KLHL4: variants seen among roughly 807,000 people sequenced by gnomAD.
KLHL4 encodes the protein kelch-like protein 4.
A neutral mutation model predicts 45.8 loss-of-function variants in KLHL4; 17 were observed. The observed-to-expected ratio is 0.37, with a 90% CI of 0.25 to 0.56. The LOEUF is 0.56. Among genes scored for constraint, KLHL4 ranks in the 20% least tolerant of loss-of-function variants. KLHL4 has a pLI of 0.79. For synonymous variants in KLHL4, 224 were observed against 189.9 expected, an observed-to-expected ratio of 1.18 and a Z score of -1.47; for missense variants, 544 against 544.9, an observed-to-expected ratio of 1.00 and a Z score of 0.02.
At chrX:87,635,513 A>G (rs907161830) in intron 8 of KLHL4, 50 bp from the exon 9 acceptor site, 7 of 948,766 alleles carry the variant, frequency 7.4e-6, no homozygotes, top group Non-Finnish European at 1.0e-5. Context: ...TTTTGTGTGT[A>G]TATGTATACA....
intron 1 of KLHL4, among the ~76,000 whole-genome samples, chrX:87,522,294 A>G (rs1209903882): frequency 8.9e-6 from 1 of 111,802 alleles, no homozygotes; most frequent in African/African-American, 3.2e-5. Context: ...CTCAACAGAG[A>G]GAGTGGTAGG....
At chrX:87,536,353 A>AT (rs1251390929) in intron 1 of KLHL4, among the ~76,000 whole-genome samples, 2 of 111,051 alleles carry the variant, frequency 1.8e-5, no homozygotes, top group Non-Finnish European at 3.8e-5. Flanking sequence ...TTACCTTGCA[A>AT]TTTTTCTCTT....
chrX:87,596,675 A>G (rs962071118), intron 1 of KLHL4, among the ~76,000 whole-genome samples: 24 of 111,989 alleles, frequency 2.1e-4, no homozygotes, highest in African/African-American at 6.5e-4. Context: ...TTCCTTTCTA[A>G]CTGAGCTAAA....
At chrX:87,647,252 A>T (rs951397277) in intron 9 of KLHL4, among the ~76,000 whole-genome samples, 1 of 112,112 alleles carries the variant, frequency 8.9e-6, no homozygotes, top group African/African-American at 3.2e-5. Flanking sequence ...GTTGGCATGG[A>T]TGTGGTAAAA....
chrX:87,641,371 G>A (rs892937989), intron 9 of KLHL4, among the ~76,000 whole-genome samples: 1 of 112,175 alleles, frequency 8.9e-6, no homozygotes, highest in Admixed American at 9.4e-5. Flanking sequence ...GGTAGAGGAA[G>A]CAGCAGAAAG....
At chrX:87,617,214 T>G (rs1271744433) in intron 3 of KLHL4, among the ~76,000 whole-genome samples, 2 of 110,525 alleles carry the variant, frequency 1.8e-5, no homozygotes, top group Non-Finnish European at 3.8e-5. Flanking sequence ...AGAGACTGTT[T>G]TTTTTTTTAT....
chrX:87,524,546 A>AG (rs1432070301), intron 1 of KLHL4, among the ~76,000 whole-genome samples: 4 of 111,319 alleles, frequency 3.6e-5, no homozygotes, highest in African/African-American at 6.5e-5. Flanking sequence ...AAATTTACAT[A>AG]GGGGGACATT....
intron 1 of KLHL4, among the ~76,000 whole-genome samples, chrX:87,588,500 C>T (rs1921552261): frequency 9.0e-6 from 1 of 111,119 alleles, no homozygotes; most frequent in South Asian, 3.8e-4. Context: ...CACACACCTA[C>T]AGTGAACTCA....
chrX:87,529,607 C>A (rs976947312), intron 1 of KLHL4, among the ~76,000 whole-genome samples: 14 of 111,097 alleles, frequency 1.3e-4, no homozygotes, highest in East Asian at 5.7e-4. Context: ...ATATGTGAGC[C>A]CTGCAGTGTA....
intron 9 of KLHL4, among the ~76,000 whole-genome samples, chrX:87,652,608 A>C: frequency 1.8e-5 from 2 of 111,926 alleles, no homozygotes. Flanking sequence ...CAAGTTCCTC[A>C]TTTCCATCTG....
At chrX:87,589,020 T>C (rs2147799187) in intron 1 of KLHL4, among the ~76,000 whole-genome samples, 1 of 111,583 alleles carries the variant, frequency 9.0e-6, no homozygotes, top group Non-Finnish European at 1.9e-5. Flanking sequence ...AAAAAAACAT[T>C]TGTTAAAAAA....
chrX:87,556,785 C>T (rs189716289), intron 1 of KLHL4, among the ~76,000 whole-genome samples: 133 of 108,415 alleles, frequency 1.2e-3, no homozygotes, highest in Middle Eastern at 9.4e-3. Flanking sequence ...TGTGCCATAT[C>T]ACATGGCAGA....
At chrX:87,529,808 A>C (rs1196713939) in intron 1 of KLHL4, among the ~76,000 whole-genome samples, 1 of 112,119 alleles carries the variant, frequency 8.9e-6, no homozygotes, top group Non-Finnish European at 1.9e-5. Flanking sequence ...ATGTATCTTG[A>C]TAAGACAATA....
At chrX:87,526,609 G>C (rs1931116374) in intron 1 of KLHL4, among the ~76,000 whole-genome samples, 1 of 111,775 alleles carries the variant, frequency 8.9e-6, no homozygotes, top group Non-Finnish European at 1.9e-5. Flanking sequence ...CTTGAGGAAT[G>C]GACACATTTT....
In KLHL4 at chrX:87,547,543, C is replaced by T. The variant is rs544075202; in HGVS notation, c.422+29228C>T. Among the ~76,000 whole-genome samples the T allele has an allele frequency of 9.0e-5, 10 of 111,594 alleles. No individual in the cohort carries two copies. The South Asian group carries it at 3.8e-3, about 42-fold the overall frequency. ...CAAACAAACAAACAAAAACAATTGT[C>T]CAGGCACGGTGGCTCACACATGTAA... On this transcript the variant is annotated intron_variant, in intron 1 of 10. Coordinates refer to ENST00000373119, the MANE Select transcript of KLHL4 (RefSeq NM_019117.5).
In KLHL4 at chrX:87,573,385, A is replaced by G. The variant is rs1650534631; in HGVS notation, c.423-40492A>G. On this transcript the variant is annotated intron_variant, in intron 1 of 10. Transcript: ENST00000373119. The stretch of plus-strand genomic sequence containing the variant: ...AGGTGAAAAAGATAGGTAGAATCTC[A>G]GCTCATGTGGAGGTTATATACTGAA... 3.6e-5 allele frequency among the ~76,000 whole-genome samples: 4 copies of G among 110,821 alleles called. No individual in the cohort carries two copies. The South Asian group carries it at 1.5e-3, about 42-fold the overall frequency.
intron 1 of KLHL4, among the ~76,000 whole-genome samples, chrX:87,557,472 C>T (rs1371230335): frequency 1.8e-5 from 2 of 111,571 alleles, no homozygotes; most frequent in Non-Finnish European, 3.8e-5. Context: ...GCTCAAAATA[C>T]CAGACATCAT....
intron 4 of KLHL4, among the ~76,000 whole-genome samples, chrX:87,619,473 C>G (rs1212165938): frequency 9.0e-6 from 1 of 111,272 alleles, no homozygotes; most frequent in African/African-American, 3.3e-5. Context: ...TAAAATATAT[C>G]ATTTAATTAC....
chrX:87,567,362 TG>T (rs1251105021), intron 1 of KLHL4, among the ~76,000 whole-genome samples: 2 of 111,668 alleles, frequency 1.8e-5, no homozygotes, highest in Admixed American at 1.9e-4. Flanking sequence ...ACATTTCTGG[TG>T]AGTATATAAA....
Sources: gnomAD v4.1 joint callset for allele counts (sites outside exome capture counted in the v4.1 genomes callset) on GRCh38, gnomAD v4.1.1 for gene constraint, MANE v1.5 for transcripts, NCBI Gene and HGNC (gene_info 2026-07-23, HGNC 2026-07-21) for gene names.